Variants in CDIN1 observed in about 807,000 individuals in gnomAD.
The protein encoded by CDIN1 is CDAN1 interacting nuclease 1.
In CDIN1, 33 loss-of-function variants were observed where a neutral mutation model predicts 45.3. That is an observed-to-expected ratio of 0.73 (90% CI 0.55 to 0.97). The LOEUF is 0.97. Among genes scored for constraint, CDIN1 ranks in the 50% least tolerant of loss-of-function variants. The pLI is 0.00. For missense variants in CDIN1, 303 were observed against 339.4 expected, an observed-to-expected ratio of 0.89 and a Z score of 0.84; for synonymous variants, 118 against 124.4, an observed-to-expected ratio of 0.95 and a Z score of 0.34.
At chr15:36,684,726 G>A (rs1362326772) in intron 5 of CDIN1, among the ~76,000 whole-genome samples, 7 of 152,078 alleles carry the variant, frequency 4.6e-5, no homozygotes, top group Admixed American at 3.9e-4. Flanking sequence ...TTTTTGGTTG[G>A]TAAGCTATTG....
chr15:36,728,879 A>G (rs1455479457), intron 10 of CDIN1, among the ~76,000 whole-genome samples: 1 of 151,958 alleles, frequency 6.6e-6, no homozygotes, highest in Non-Finnish European at 1.5e-5. Context: ...TCACCATGTT[A>G]GCCAGGATGA....
chr15:36,715,574 A>G (rs1482675862), intron 10 of CDIN1, among the ~76,000 whole-genome samples: 2 of 151,432 alleles, frequency 1.3e-5, no homozygotes, highest in Non-Finnish European at 2.9e-5. Context: ...TGCCTTAGCA[A>G]TAGAAGCTCT....
At chr15:36,745,829 G>C (rs916888759) in intron 10 of CDIN1, among the ~76,000 whole-genome samples, 1 of 152,066 alleles carries the variant, frequency 6.6e-6, no homozygotes, top group Non-Finnish European at 1.5e-5. Flanking sequence ...AGCCAGGCGT[G>C]GGGGTGGATG....
At chr15:36,606,649 G>A (rs369607432) in intron 1 of CDIN1, among the ~76,000 whole-genome samples, 1 of 152,118 alleles carries the variant, frequency 6.6e-6, no homozygotes, top group East Asian at 1.9e-4. Context: ...TTCTCCCACA[G>A]CAGTTCTGTA....
At position 36,800,909 on chromosome 15, in the gene CDIN1, G is replaced by GTGTGTATATA. The variant is rs1156514805; in HGVS notation, c.717-7414_717-7413insGTGTATATAT. On this transcript the variant is annotated intron_variant, in intron 10 of 10. Transcript: ENST00000566621. ...TGTGTGTGTGTGTGTGTGTGTGTGT[G>GTGTGTATATA]TATATATATATATATATATATATAT... is the stretch of plus-strand genomic sequence containing the variant. Among the ~76,000 whole-genome samples, 66 of 22,308 alleles carry GTGTGTATATA rather than the reference G, an allele frequency of 3.0e-3. 1 individual carries two copies. The highest frequency in any genetic ancestry group is 0.1 in the Middle Eastern group (1 of 10). The allele number at this position is 22,308 out of a possible 152,430, so 14.6% of individuals were successfully genotyped here.
chr15:36,641,724 CTT>C (rs376899591), intron 1 of CDIN1: 1 of 149,626 alleles, frequency 6.7e-6, no homozygotes, highest in Admixed American at 6.7e-5. Context: ...GATTTTTTGC[CTT>C]TTTTATGTGT....
intron 3 of CDIN1, among the ~76,000 whole-genome samples, chr15:36,646,700 C>T (rs1226385235): frequency 6.6e-6 from 1 of 152,100 alleles, no homozygotes; most frequent in Non-Finnish European, 1.5e-5. Flanking sequence ...ACATTATAGT[C>T]CTAGGCTGTT....
chr15:36,774,116 G>A (rs191137525), intron 10 of CDIN1, among the ~76,000 whole-genome samples: 2 of 149,442 alleles, frequency 1.3e-5, no homozygotes, highest in Non-Finnish European at 1.5e-5. Context: ...GGCACCTGCC[G>A]GCAAGTAACT....
chr15:36,658,450 G>A (rs1269033148), intron 5 of CDIN1: 1 of 152,188 alleles, frequency 6.6e-6, no homozygotes, highest in African/African-American at 2.4e-5. Flanking sequence ...CGGCTGTTAA[G>A]TGAGCTCTGG....
intron 10 of CDIN1, among the ~76,000 whole-genome samples, chr15:36,762,211 T>C (rs919247883): frequency 1.3e-5 from 2 of 152,202 alleles, no homozygotes; most frequent in African/African-American, 4.8e-5. Context: ...CACTTCTTTT[T>C]CCCTCTGTTT....
chr15:36,617,062 G>A lies in CDIN1; in HGVS notation c.102-27216G>A, dbSNP rs956257494. On this transcript the variant is annotated intron_variant, in intron 1 of 10. Coordinates refer to ENST00000566621, the MANE Select transcript of CDIN1 (RefSeq NM_001321759.2). Reference sequence around the variant, plus strand: ...GAGCCAGTTAGAGTTGCAGCTGTGGGAACGATTGGGCCGAGCAGAGGACGA... The same window carrying A: ...GAGCCAGTTAGAGTTGCAGCTGTGGAAACGATTGGGCCGAGCAGAGGACGA... The A allele has an allele frequency of 3.9e-6, 3 of 774,080 alleles. No individual in the cohort carries two copies. In the African/African-American group the frequency reaches 5.1e-5, roughly 13 times the overall value. 48.0% of individuals were successfully genotyped at this position (774,080 alleles called of 1,614,324 possible). A position where few individuals can be genotyped will look rare whatever the true frequency, so the allele number is the denominator to read the frequency against.
chr15:36,719,916 G>C (rs1004480931), intron 10 of CDIN1, among the ~76,000 whole-genome samples: 1 of 151,858 alleles, frequency 6.6e-6, no homozygotes, highest in African/African-American at 2.4e-5. Flanking sequence ...GCATAATCTT[G>C]TTGAAAATAT....
chr15:36,619,061 C>T, intron 1 of CDIN1: 1 of 1,259,018 alleles, frequency 7.9e-7, no homozygotes, highest in Non-Finnish European at 1.1e-6. Flanking sequence ...GACAATGAAG[C>T]TCCTTAGAAG....
intron 5 of CDIN1, among the ~76,000 whole-genome samples, chr15:36,674,932 G>A (rs1295610949): frequency 6.6e-6 from 1 of 152,088 alleles, no homozygotes; most frequent in Non-Finnish European, 1.5e-5. Context: ...AGAAAAATGA[G>A]CAAAGAAATA....
At chr15:36,758,143 T>C (rs1470338170) in intron 10 of CDIN1, among the ~76,000 whole-genome samples, 4 of 152,234 alleles carry the variant, frequency 2.6e-5, no homozygotes, top group South Asian at 2.1e-4. Context: ...ATAATACTAC[T>C]ATTCATAGGC....
intron 10 of CDIN1, among the ~76,000 whole-genome samples, chr15:36,784,080 G>C (rs1005518973): frequency 3.3e-5 from 5 of 152,166 alleles, no homozygotes; most frequent in Non-Finnish European, 7.4e-5. Flanking sequence ...ATACAAAGTT[G>C]ACTTCACTTT....
chr15:36,616,062 G>T (rs2038872091), intron 1 of CDIN1, among the ~76,000 whole-genome samples: 1 of 152,156 alleles, frequency 6.6e-6, no homozygotes, highest in Non-Finnish European at 1.5e-5. Context: ...AACATAAGCG[G>T]CATGATGTAG....
intron 10 of CDIN1, among the ~76,000 whole-genome samples, chr15:36,774,333 GT>G (rs1010246818): frequency 6.6e-6 from 1 of 151,904 alleles, no homozygotes; most frequent in African/African-American, 2.4e-5. Flanking sequence ...TACTCTGGTT[GT>G]TTTTTTCCCC....
chr15:36,769,576 G>A (rs1012361802), intron 10 of CDIN1, among the ~76,000 whole-genome samples: 3 of 152,172 alleles, frequency 2.0e-5, no homozygotes, highest in African/African-American at 7.2e-5. Flanking sequence ...ATCTGGATTA[G>A]CATTTGGTTA....
Sources: gnomAD v4.1 joint callset for allele counts (sites outside exome capture counted in the v4.1 genomes callset) on GRCh38, gnomAD v4.1.1 for gene constraint, MANE v1.5 for transcripts, NCBI Gene and HGNC (gene_info 2026-07-23, HGNC 2026-07-21) for gene names.